C2orf74: variants seen among roughly 807,000 people sequenced by gnomAD.
C2orf74 encodes DPM1 ER membrane anchor 1, also known as uncharacterized protein C2orf74.
A neutral mutation model predicts 17.9 loss-of-function variants in C2orf74; 14 were observed. The observed-to-expected ratio is 0.78, with a 90% CI of 0.52 to 1.22. C2orf74 has a LOEUF of 1.22. Among genes scored for constraint, C2orf74 ranks in the 50% most tolerant of loss-of-function variants. The pLI, the probability that C2orf74 is intolerant of heterozygous loss-of-function variation, is 0.00. For missense variants in C2orf74, 217 were observed against 218.4 expected (o/e 0.99, Z 0.04); for synonymous variants, 79 against 72.6 (o/e 1.09, Z -0.44).
chr2:61,154,976 A>T (rs1046940136), intron 1 of C2orf74, among the ~76,000 whole-genome samples: 9 of 151,998 alleles, frequency 5.9e-5, no homozygotes, highest in Non-Finnish European at 7.4e-5. Flanking sequence ...GAGGCAGGAG[A>T]ATTGCTTGAA....
At chr2:61,152,883 C>T (rs1259278897) in intron 1 of C2orf74, among the ~76,000 whole-genome samples, 8 of 147,632 alleles carry the variant, frequency 5.4e-5, no homozygotes, top group South Asian at 2.1e-4. Flanking sequence ...CAGGCGCGCG[C>T]GGTGGCTCGC....
At chr2:61,153,775 G>T (rs561022447) in intron 1 of C2orf74, among the ~76,000 whole-genome samples, 20 of 151,478 alleles carry the variant, frequency 1.3e-4, no homozygotes, top group Non-Finnish European at 2.5e-4. Flanking sequence ...TGTAATCCCA[G>T]CTACTCAGGA....
Position 61,162,901 on chromosome 2 carries a change from G to A in C2orf74, c.155G>A (p.Gly52Asp). The change falls in exon 3 of 5, where the codon GGT becomes GAT. Residue 52 changes from glycine (G) to aspartate (D), a missense_variant. Gly to Asp is a moderately conservative substitution (Grantham distance 94, BLOSUM62 -1). Coordinates refer to ENST00000432605, the MANE Select transcript of C2orf74 (RefSeq NM_001143959.4). The stretch of plus-strand genomic sequence containing the variant: ...GTGCCTTGTACAGATGCAAACGGAG[G>A]TGTAGACTGTGCAGCTGCCAAAGTG... ...KKVPCTDANG[G>D]VDCAAAKVVT... is the part of the protein sequence containing the mutation. 1.9e-6 allele frequency: 3 copies of A among 1,552,552 alleles called. No homozygotes were observed. The highest frequency in any genetic ancestry group is 2.6e-6 in the Non-Finnish European group (3 of 1,147,146).
At position 61,164,366 on chromosome 2, in the gene C2orf74, CAGAAAAT is replaced by C; in HGVS notation, c.405_411del (p.Gln135HisfsTer19). ...CATTCTCTTGCAGGATGATGGTTTG[CAGAAAAT>C]ACACACATCTGTCACTAGAACTCCT... On this transcript the variant is annotated frameshift_variant, in exon 5 of 5. Coordinates refer to ENST00000432605, the MANE Select transcript of C2orf74 (RefSeq NM_001143959.4). LOFTEE classifies it low-confidence loss of function (END_TRUNC). 1.3e-6 allele frequency: 2 copies of C among 1,540,818 alleles called. No individual in the cohort carries two copies. Among genetic ancestry groups the C allele is most frequent in the Middle Eastern group, 3.4e-4 (2 of 5,942 alleles).
At chr2:61,163,919 C>T (rs546871032) in intron 4 of C2orf74, among the ~76,000 whole-genome samples, 2 of 152,154 alleles carry the variant, frequency 1.3e-5, no homozygotes, top group Non-Finnish European at 2.9e-5. Flanking sequence ...AATTGTTTAC[C>T]TCTCCACTGT....
chr2:61,156,995 GC>G (rs1685410535), intron 1 of C2orf74, among the ~76,000 whole-genome samples: 1 of 152,170 alleles, frequency 6.6e-6, no homozygotes, highest in Non-Finnish European at 1.5e-5. Context: ...ACTTAGAGTA[GC>G]ACCAGTTGAC....
At chr2:61,156,740 G>C (rs1045902574) in intron 1 of C2orf74, among the ~76,000 whole-genome samples, 1 of 151,924 alleles carries the variant, frequency 6.6e-6, no homozygotes, top group Admixed American at 6.6e-5. Flanking sequence ...CAAAAAGTTA[G>C]TGGGCATGGT....
chr2:61,163,746 C>G (rs1055787052), intron 4 of C2orf74, among the ~76,000 whole-genome samples: 14 of 152,212 alleles, frequency 9.2e-5, no homozygotes, highest in African/African-American at 3.4e-4. Context: ...TAAACCATTA[C>G]ATATGCCAAG....
Position 61,156,360 on chromosome 2 carries a change from A to G in C2orf74, c.-121-6482A>G, listed in dbSNP as rs569626091. On this transcript the variant is annotated intron_variant, in intron 1 of 3. Transcript: ENST00000426997. ...CAAGACCACCCTGGGCAACATGGCAAAACTCTGTCTCTTTTAAAAAAGAAA... is the reference window on the plus strand; with the variant it reads ...CAAGACCACCCTGGGCAACATGGCAGAACTCTGTCTCTTTTAAAAAAGAAA... Among the ~76,000 whole-genome samples the G allele has an allele frequency of 9.5e-4, 144 of 152,150 alleles. 1 individual carries two copies. Among genetic ancestry groups the G allele is most frequent in the African/African-American group, 3.4e-3 (142 of 41,504 alleles).
chr2:61,157,936 G>T (rs762544261), upstream of C2orf74: 20 of 471,156 alleles, frequency 4.2e-5, no homozygotes, highest in Middle Eastern at 1.3e-3. Flanking sequence ...ACCATCTGGA[G>T]CCCAAGTTGC....
chr2:61,161,436 A>G (rs1375374623), upstream of C2orf74, among the ~76,000 whole-genome samples: 2 of 139,756 alleles, frequency 1.4e-5, no homozygotes, highest in African/African-American at 2.5e-5. Context: ...TTTTAGCATG[A>G]AAGTGTGTTA....
rs1320220147 is a variant in C2orf74, at chr2:61,163,200, C to G, written c.358C>G (p.Pro120Ala). The G allele has an allele frequency of 1.1e-5, 17 of 1,552,024 alleles. No homozygotes were observed. Among genetic ancestry groups the G allele is most frequent in the Non-Finnish European group, 1.4e-5 (16 of 1,147,082 alleles). The change falls in exon 4 of 5, where the codon CCT (proline) becomes GCT (alanine). Residue 120 changes from proline to alanine, a missense_variant. By Grantham distance (27) the Pro-to-Ala change is conservative (BLOSUM62 -1). Coordinates refer to ENST00000432605, the MANE Select transcript of C2orf74 (RefSeq NM_001143959.4). ...GAACCAAATAAATGAGAAGCAAGAG[C>G]CTGAGAATGCTGGAGAAACTGGTCA... is the stretch of plus-strand genomic sequence containing the variant. ...EENQINEKQE[P>A]ENAGETGQEE...
At position 61,162,478 on chromosome 2, in the gene C2orf74, G is replaced by T; in HGVS notation, c.-37G>T. 1 of 1,447,964 alleles carries T rather than the reference G, an allele frequency of 6.9e-7. No individual in the cohort carries two copies. The highest frequency in any genetic ancestry group is 9.5e-7 in the Non-Finnish European group (1 of 1,055,814). The allele number at this position is 1,447,964 out of a possible 1,614,324, so 89.7% of individuals were successfully genotyped here. A position where few individuals can be genotyped will look rare whatever the true frequency, so the allele number is the denominator to read the frequency against. On this transcript the variant is annotated 5_prime_UTR_variant, in exon 2 of 5. Coordinates refer to ENST00000432605, the MANE Select transcript of C2orf74 (RefSeq NM_001143959.4). ...CTGGAAAAGAATATTTGGACAGTCT[G>T]TGATTGTGAGAGTGGATGAGTCTTC...
In C2orf74 at chr2:61,163,059, A is replaced by G. The variant is rs1197286287; in HGVS notation, c.217A>G (p.Met73Val). The G allele has an allele frequency of 3.9e-6, 6 of 1,552,130 alleles. No homozygotes were observed. The East Asian group carries it at 1.5e-4, about 38-fold the overall frequency. Residue 73 changes from methionine (M) to valine (V), a missense_variant, in exon 4 of 5, where the codon ATG (methionine) becomes GTG (valine). Physicochemically the swap from Met to Val is conservative, Grantham distance 21 (BLOSUM62 1). Coordinates refer to ENST00000432605, the MANE Select transcript of C2orf74 (RefSeq NM_001143959.4). ...TACCGATTAATTTTCTAGGATCTTA[A>G]TGCAAGTCATGAACTTGAATGTGCC... ...SNPEDHERIL[M>V]QVMNLNVPMR...
rs1328460225 is a variant in C2orf74, at chr2:61,152,952, T to G, written c.-122+7756T>G. Among the ~76,000 whole-genome samples, 64 of 150,634 alleles carry G rather than the reference T, an allele frequency of 4.2e-4. 1 individual carries two copies. Among genetic ancestry groups the G allele is most frequent in the Admixed American group, 8.0e-4 (12 of 15,088 alleles). On this transcript the variant is annotated intron_variant, in intron 1 of 3. Coordinates refer to the C2orf74 transcript ENST00000426997. Reference sequence around the variant, plus strand: ...GGGCGGATCACCTGAGGTCAGGAGTTTGAGACCAGCCTCAACATGGAGAAA... The same window carrying G: ...GGGCGGATCACCTGAGGTCAGGAGTGTGAGACCAGCCTCAACATGGAGAAA...
At chr2:61,161,776 T>C (rs1247335272), upstream of C2orf74, 3 of 152,352 alleles carry the variant, frequency 2.0e-5, no homozygotes, top group African/African-American at 7.2e-5. Flanking sequence ...TTTTGAAAGG[T>C]TTGAGAAAGA....
In C2orf74 at chr2:61,162,594, T is replaced by G. The variant is rs565619614; in HGVS notation, c.80T>G (p.Val27Gly). The part of the protein sequence containing the change: ...CLICILLLLV[V>G]FLYKCFQGRK... ...ATTTGCATCCTCCTCTTATTGGTGG[T>G]TTTTTTATATAAATGGTATAAATCC... Residue 27 changes from valine (V) to glycine (G), a missense_variant, in exon 2 of 5, where the codon GTT (valine) becomes GGT (glycine). By Grantham distance (109) the Val-to-Gly change is moderately radical. Coordinates refer to ENST00000432605, the MANE Select transcript of C2orf74 (RefSeq NM_001143959.4). The G allele has an allele frequency of 2.9e-4, 446 of 1,537,802 alleles. No individual in the cohort carries two copies. Among genetic ancestry groups the G allele is most frequent in the Non-Finnish European group, 3.6e-4 (404 of 1,134,806 alleles).
Position 61,162,904 on chromosome 2 carries a change from T to A in C2orf74, c.158T>A (p.Val53Glu), listed in dbSNP as rs1247115260. The change falls in exon 3 of 5, where the codon GTA (valine) becomes GAA (glutamate). Residue 53 changes from valine (V) to glutamate (E), a missense_variant. Transcript: ENST00000432605. Reference protein sequence around the residue: ...KVPCTDANGGVDCAAAKVVTS... With the variant: ...KVPCTDANGGEDCAAAKVVTS... Reference sequence around the variant, plus strand: ...CCTTGTACAGATGCAAACGGAGGTGTAGACTGTGCAGCTGCCAAAGTGGTG... The same window carrying A: ...CCTTGTACAGATGCAAACGGAGGTGAAGACTGTGCAGCTGCCAAAGTGGTG... The A allele has an allele frequency of 1.3e-6, 2 of 1,552,478 alleles. No individual in the cohort carries two copies. Among genetic ancestry groups the A allele is most frequent in the East Asian group, 4.9e-5 (2 of 41,062 alleles).
intron 1 of C2orf74, among the ~76,000 whole-genome samples, chr2:61,146,690 C>T (rs1685078296): frequency 6.6e-6 from 1 of 152,114 alleles, no homozygotes; most frequent in Non-Finnish European, 1.5e-5. Context: ...AAAAATTAGA[C>T]TGGCGTGGTG....
Sources: allele counts gnomAD v4.1 joint callset (sites outside exome capture counted in the v4.1 genomes callset), GRCh38; gene constraint gnomAD v4.1.1; transcripts MANE v1.5; gene names NCBI Gene and HGNC (gene_info 2026-07-23, HGNC 2026-07-21).